FRMD6: variants seen among roughly 807,000 people sequenced by gnomAD.
The protein encoded by FRMD6 is FERM domain-containing protein 6.
Under a neutral mutation model 73.2 loss-of-function variants are expected in FRMD6, and 37 were observed. That is an observed-to-expected ratio of 0.51 (90% CI 0.39 to 0.66). The LOEUF is 0.66. Among genes scored for constraint, FRMD6 ranks in the 30% least tolerant of loss-of-function variants. The pLI, the probability that FRMD6 is intolerant of heterozygous loss-of-function variation, is 0.00. For missense variants in FRMD6, 714 were observed against 780.5 expected (o/e 0.91, Z 1.02); for synonymous variants, 273 against 282.2 (o/e 0.97, Z 0.33).
chr14:51,548,093 A>G (rs1886579112), intron 1 of FRMD6, among the ~76,000 whole-genome samples: 1 of 152,224 alleles, frequency 6.6e-6, no homozygotes, highest in South Asian at 2.1e-4. Flanking sequence ...ATTTTCTCCT[A>G]TGAAAAAATG....
intron 1 of FRMD6, among the ~76,000 whole-genome samples, chr14:51,688,896 T>C (rs1895356582): frequency 6.6e-6 from 1 of 152,220 alleles, no homozygotes; most frequent in South Asian, 2.1e-4. Context: ...CAAAATTCTC[T>C]ATGTCAAAAA....
chr14:51,503,467 T>C (rs1378249110), intron 1 of FRMD6, among the ~76,000 whole-genome samples: 2 of 152,218 alleles, frequency 1.3e-5, no homozygotes, highest in Non-Finnish European at 2.9e-5. Flanking sequence ...TAGGCATCTA[T>C]TGAGATAATC....
At chr14:51,412,022 G>T in the FRMD6 span, among the ~76,000 whole-genome samples, 1 of 152,186 alleles carries the variant, frequency 6.6e-6, no homozygotes, top group East Asian at 1.9e-4. Flanking sequence ...CTAAAAAGTA[G>T]TCTGTTAAAG....
chr14:51,551,815 T>G (rs1177953852), intron 1 of FRMD6, among the ~76,000 whole-genome samples: 1 of 151,844 alleles, frequency 6.6e-6, no homozygotes, highest in East Asian at 1.9e-4. Flanking sequence ...GCATATAATA[T>G]AAAATGCATT....
chr14:51,605,264 C>T (rs1890209196), intron 2 of FRMD6, among the ~76,000 whole-genome samples: 1 of 137,124 alleles, frequency 7.3e-6, no homozygotes, highest in Admixed American at 7.6e-5. Flanking sequence ...GTCTGGTTTT[C>T]CTAGGCAGAG....
At chr14:51,714,587 G>C (rs1326111476) in intron 9 of FRMD6, 1 of 152,192 alleles carries the variant, frequency 6.6e-6, no homozygotes, top group Non-Finnish European at 1.5e-5. Flanking sequence ...TTAGTGATCA[G>C]ATTTGAAGAA....
At chr14:51,606,299 G>A (rs765401328) in intron 2 of FRMD6, among the ~76,000 whole-genome samples, 5 of 152,158 alleles carry the variant, frequency 3.3e-5, no homozygotes, top group Non-Finnish European at 7.3e-5. Context: ...ACAGCCATAC[G>A]TACAACAAGC....
At chr14:51,564,237 A>C (rs2139533111) in intron 1 of FRMD6, among the ~76,000 whole-genome samples, 1 of 152,248 alleles carries the variant, frequency 6.6e-6, no homozygotes, top group South Asian at 2.1e-4. Context: ...TAAATTCCTA[A>C]GCTTGGAGAG....
At chr14:51,653,853 T>C (rs1465728438) in intron 1 of FRMD6, among the ~76,000 whole-genome samples, 1 of 152,230 alleles carries the variant, frequency 6.6e-6, no homozygotes, top group East Asian at 1.9e-4. Flanking sequence ...CATATTAAAA[T>C]GGACATTTAG....
upstream of FRMD6, among the ~76,000 whole-genome samples, chr14:51,487,023 C>T (rs1175007295): frequency 6.6e-6 from 1 of 151,192 alleles, no homozygotes; most frequent in Non-Finnish European, 1.5e-5. Context: ...GTTGGAAATG[C>T]AAATGCTTAG....
At chr14:51,572,434 T>G (rs1888180360) in intron 2 of FRMD6, among the ~76,000 whole-genome samples, 3 of 152,272 alleles carry the variant, frequency 2.0e-5, no homozygotes, top group Non-Finnish European at 4.4e-5. Flanking sequence ...AATCTCATTT[T>G]AGCATAAGTT....
At chr14:51,528,298 G>C (rs527441831) in intron 1 of FRMD6, among the ~76,000 whole-genome samples, 19 of 152,116 alleles carry the variant, frequency 1.2e-4, no homozygotes, top group Non-Finnish European at 2.6e-4. Flanking sequence ...GGCCCTCAGA[G>C]ATCACCAAAA....
At chr14:51,649,890 C>G (rs1892256860), upstream of FRMD6, 1 of 152,180 alleles carries the variant, frequency 6.6e-6, no homozygotes, top group Admixed American at 6.5e-5. Context: ...TCCTGAGTAG[C>G]TGGGGCTACA....
chr14:51,429,649 C>T, the FRMD6 span, among the ~76,000 whole-genome samples: 66 of 152,248 alleles, frequency 4.3e-4, no homozygotes, highest in African/African-American at 1.5e-3. Context: ...TTAAAAGAGA[C>T]CAAGCACTGG....
intron 1 of FRMD6, among the ~76,000 whole-genome samples, chr14:51,558,451 G>A (rs1442199974): frequency 6.7e-6 from 1 of 148,718 alleles, no homozygotes; most frequent in Non-Finnish European, 1.5e-5. Flanking sequence ...CCAGGCGGCA[G>A]AGCAAGACTG....
chr14:51,506,420 T>A (rs951044243), intron 1 of FRMD6, among the ~76,000 whole-genome samples: 3 of 152,168 alleles, frequency 2.0e-5, no homozygotes, highest in Non-Finnish European at 4.4e-5. Context: ...GAAAAGAGGC[T>A]CCAAGAGATT....
intron 2 of FRMD6, among the ~76,000 whole-genome samples, chr14:51,696,991 A>G (rs767557914): frequency 6.9e-4 from 105 of 152,312 alleles, no homozygotes; most frequent in African/African-American, 2.3e-3. Flanking sequence ...TAGAATGGCT[A>G]TTATCAAAAA....
At chr14:51,547,284 A>T (rs1033329121) in intron 1 of FRMD6, among the ~76,000 whole-genome samples, 1 of 152,226 alleles carries the variant, frequency 6.6e-6, no homozygotes, top group Non-Finnish European at 1.5e-5. Context: ...GACAAGTTAC[A>T]TAATTCTAAC....
At chr14:51,691,776 G>A (rs769043318) in intron 2 of FRMD6, among the ~76,000 whole-genome samples, 7 of 151,420 alleles carry the variant, frequency 4.6e-5, no homozygotes, top group Non-Finnish European at 7.4e-5. Flanking sequence ...TGTAATTTTA[G>A]TAGAGATGGG....
Sources: gnomAD v4.1 joint callset for allele counts (sites outside exome capture counted in the v4.1 genomes callset) on GRCh38, gnomAD v4.1.1 for gene constraint, MANE v1.5 for transcripts, NCBI Gene and HGNC (gene_info 2026-07-23, HGNC 2026-07-21) for gene names.